Variants in ANKRD44 observed in about 807,000 individuals in gnomAD.
ANKRD44 encodes the protein ankyrin repeat domain 44.
A neutral mutation model predicts 116.0 loss-of-function variants in ANKRD44; 35 were observed. That is an observed-to-expected ratio of 0.30 (90% CI 0.23 to 0.40). ANKRD44 has a LOEUF of 0.40. ANKRD44 is among the 10% of genes least tolerant of loss of function. The pLI is 1.00. For synonymous variants in ANKRD44, 435 were observed against 461.8 expected (o/e 0.94, Z 0.74); for missense variants, 1,014 against 1,242.6 (o/e 0.82, Z 2.77).
chr2:197,298,885 C>T (rs910163516), intron 1 of ANKRD44, among the ~76,000 whole-genome samples: 2 of 151,570 alleles, frequency 1.3e-5, no homozygotes, highest in South Asian at 4.2e-4. Context: ...CCATTACACT[C>T]TAGCATGGGT....
intron 1 of ANKRD44, among the ~76,000 whole-genome samples, chr2:197,256,904 G>T (rs2082462825): frequency 6.6e-6 from 1 of 152,104 alleles, no homozygotes; most frequent in Non-Finnish European, 1.5e-5. Context: ...ATAGATCACA[G>T]ATCAAAGACC....
At position 196,975,861 on chromosome 2, in the gene ANKRD44, GAAAA is replaced by G. The variant is rs1370070453; in HGVS notation, c.2369-8419_2369-8416del. The stretch of plus-strand genomic sequence containing the variant: ...AGAAAGAAGGAAAGAAGGAAAGAAA[GAAAA>G]GAGAAAGAAAGACACATCAAGAAAA... On this transcript the variant is annotated intron_variant, in intron 21 of 21. Transcript: ENST00000424317. Among the ~76,000 whole-genome samples, 13 of 148,238 alleles carry G rather than the reference GAAAA, an allele frequency of 8.8e-5. No individual in the cohort carries two copies. In the East Asian group the frequency reaches 2.4e-3, roughly 27 times the overall value.
chr2:197,252,161 A>G (rs2082330862), intron 1 of ANKRD44, among the ~76,000 whole-genome samples: 1 of 152,260 alleles, frequency 6.6e-6, no homozygotes, highest in Non-Finnish European at 1.5e-5. Flanking sequence ...AAAATAACAC[A>G]TACACTAAAA....
chr2:197,189,800 C>A (rs948088175), intron 1 of ANKRD44, among the ~76,000 whole-genome samples: 3 of 152,114 alleles, frequency 2.0e-5, no homozygotes, highest in Non-Finnish European at 4.4e-5. Flanking sequence ...GGGAACAAAC[C>A]CAACACAGTA....
intron 26 of ANKRD44, chr2:196,995,099 C>G (rs2075990261): frequency 4.4e-6 from 1 of 226,612 alleles, no homozygotes; most frequent in Non-Finnish European, 8.5e-6. Flanking sequence ...TCTAACAGCC[C>G]ACTAAATTTA....
chr2:197,230,943 G>A (rs2081846345), intron 1 of ANKRD44, among the ~76,000 whole-genome samples: 1 of 152,156 alleles, frequency 6.6e-6, no homozygotes, highest in African/African-American at 2.4e-5. Flanking sequence ...CCATTGGCCA[G>A]AACTCAGTCT....
rs895437233 is a variant in ANKRD44 at position 197,043,702 on chromosome 2, C to T, written c.1651-18435G>A. Among the ~76,000 whole-genome samples, 10 of 151,830 alleles carry T rather than the reference C, an allele frequency of 6.6e-5. No homozygotes were observed. The East Asian group carries it at 7.7e-4, about 12-fold the overall frequency. On this transcript the variant is annotated intron_variant, in intron 16 of 27. Coordinates refer to ENST00000282272, the MANE Select transcript of ANKRD44 (RefSeq NM_001195144.2). The stretch of plus-strand genomic sequence containing the variant: ...AGGTAGTGATGCTATTAGCTTGACA[C>T]GGGGGAGACTAAACTACCTTTATTT...
At chr2:197,060,266 C>T (rs183068887) in intron 16 of ANKRD44, among the ~76,000 whole-genome samples, 219 of 152,158 alleles carry the variant, frequency 1.4e-3, no homozygotes, top group Non-Finnish European at 2.4e-3. Context: ...TAGCAGTATC[C>T]AGCAGATAGA....
At position 197,219,360 on chromosome 2, in the gene ANKRD44, G is replaced by A. The variant is rs189835703; in HGVS notation, c.28-32254C>T. On this transcript the variant is annotated intron_variant, in intron 1 of 27. Coordinates refer to ENST00000282272, the MANE Select transcript of ANKRD44 (RefSeq NM_001195144.2). ...TGGGATTACAGACATGAGCCACTGC[G>A]CCTGGCCCTAAAGTCACTTTTTTAA... Among the ~76,000 whole-genome samples, 332 of 152,214 alleles carry A rather than the reference G, an allele frequency of 2.2e-3. 1 individual carries two copies. The highest frequency in any genetic ancestry group is 7.9e-3 in the African/African-American group (327 of 41,526).
intron 21 of ANKRD44, among the ~76,000 whole-genome samples, chr2:196,969,419 G>A (rs184066185): frequency 1.1e-3 from 168 of 151,614 alleles, no homozygotes; most frequent in African/African-American, 3.6e-3. Flanking sequence ...TTTCATTCCT[G>A]TTTTTATACC....
At position 197,292,633 on chromosome 2, in the gene ANKRD44, G is replaced by A. The variant is rs189259195; in HGVS notation, c.27+17945C>T. On this transcript the variant is annotated intron_variant, in intron 1 of 27. Transcript: ENST00000282272. The stretch of plus-strand genomic sequence containing the variant: ...TGTCAACCCCCCAAAAAATGTGCAA[G>A]GGAATACATAGCGTATAAAAATCTT... Among the ~76,000 whole-genome samples the A allele has an allele frequency of 2.6e-5, 4 of 152,266 alleles. No homozygotes were observed. In the East Asian group the frequency reaches 7.7e-4, roughly 29 times the overall value.
intron 1 of ANKRD44, among the ~76,000 whole-genome samples, chr2:197,293,812 C>A (rs2083639310): frequency 6.6e-6 from 1 of 152,172 alleles, no homozygotes; most frequent in Non-Finnish European, 1.5e-5. Context: ...GTGGGTGATA[C>A]ATTCTAATCT....
intron 1 of ANKRD44, among the ~76,000 whole-genome samples, chr2:197,273,988 T>TAG (rs2082994188): frequency 9.5e-5 from 2 of 20,996 alleles, no homozygotes; most frequent in African/African-American, 3.6e-4. Context: ...AAAATATATA[T>TAG]ATATATATAT....
At chr2:197,120,515 G>A (rs1336157512) in intron 8 of ANKRD44, among the ~76,000 whole-genome samples, 1 of 152,176 alleles carries the variant, frequency 6.6e-6, no homozygotes, top group Non-Finnish European at 1.5e-5. Context: ...GCTGGGCATG[G>A]TGGTGCATGT....
At position 196,975,993 on chromosome 2, in the gene ANKRD44, AG is replaced by A. The variant is rs369415272; in HGVS notation, c.2369-8548del. Among the ~76,000 whole-genome samples, 54 of 152,242 alleles carry A rather than the reference AG, an allele frequency of 3.5e-4. No homozygotes were observed. The South Asian group carries it at 0.01, about 29-fold the overall frequency. On this transcript the variant is annotated intron_variant, in intron 21 of 21. Transcript: ENST00000424317. ...AAATTATTATACACCATGATCAAGT[AG>A]GATTTATCCTATGTATACCAGCTGA...
chr2:197,183,088 G>A (rs765794478), intron 2 of ANKRD44, among the ~76,000 whole-genome samples: 7 of 152,154 alleles, frequency 4.6e-5, no homozygotes, highest in African/African-American at 9.7e-5. Context: ...CAAGTCATGT[G>A]GTTAGTGGGG....
At chr2:197,123,571 C>T (rs2078906994) in intron 6 of ANKRD44, among the ~76,000 whole-genome samples, 1 of 152,216 alleles carries the variant, frequency 6.6e-6, no homozygotes, top group African/African-American at 2.4e-5. Context: ...GCAGAGGCTG[C>T]AGTGAGCCGA....
chr2:197,072,371 A>G (rs974374710), intron 16 of ANKRD44, among the ~76,000 whole-genome samples: 1 of 152,190 alleles, frequency 6.6e-6, no homozygotes, highest in African/African-American at 2.4e-5. Flanking sequence ...TACCAGTTTG[A>G]CATGTTAGTA....
Position 197,013,593 on chromosome 2 carries a change from T to C in ANKRD44, c.1842A>G (p.Glu614=). The C allele has an allele frequency of 6.2e-7, 1 of 1,614,202 alleles. No individual in the cohort carries two copies. Among genetic ancestry groups the C allele is most frequent in the South Asian group, 1.1e-5 (1 of 91,082 alleles). Residue 614 remains glutamate (E), a synonymous_variant, in exon 18 of 28, where the codon GAA becomes GAG. Transcript: ENST00000282272. ...LDLAAFKGHT[E]CVEALINQGA... is the part of the protein sequence containing the mutation. ...CCTGATTGATAAGCGCTTCCACACA[T>C]TCTGTGTGTCCTTTAAAGGCAGCCA...
Sources: allele counts gnomAD v4.1 joint callset (sites outside exome capture counted in the v4.1 genomes callset), GRCh38; gene constraint gnomAD v4.1.1; transcripts MANE v1.5; gene names NCBI Gene and HGNC (gene_info 2026-07-23, HGNC 2026-07-21).